PCDHA9: variants seen among roughly 807,000 people sequenced by gnomAD.
PCDHA9 encodes the protein protocadherin alpha 9.
A neutral mutation model predicts 62.0 loss-of-function variants in PCDHA9; 62 were observed. The observed-to-expected ratio is 1.00, with a 90% confidence interval of 0.81 to 1.23. PCDHA9 has a LOEUF of 1.23. Among genes scored for constraint, PCDHA9 ranks in the 50% most tolerant of loss-of-function variants. The pLI is 0.00. For missense variants in PCDHA9, 1,205 were observed against 1,249.8 expected (o/e 0.96, Z 0.54); for synonymous variants, 557 against 567.6 (o/e 0.98, Z 0.27).
intron 1 of PCDHA9, chr5:140,854,137 G>A (rs1297927276): frequency 9.5e-6 from 4 of 422,564 alleles, no homozygotes; most frequent in Non-Finnish European, 9.2e-6. Context: ...ATTTCAGCCC[G>A]GGTGACAGCA....
At chr5:140,883,467 C>T in intron 1 of PCDHA9, 1 of 1,614,170 alleles carries the variant, frequency 6.2e-7, no homozygotes, top group Non-Finnish European at 8.5e-7. Flanking sequence ...CTGGTGTCCA[C>T]CTACAAGAAC....
At position 140,850,816 on chromosome 5, in the gene PCDHA9, C is replaced by T. The variant is rs2150499386; in HGVS notation, c.2321C>T (p.Pro774Leu). 1.9e-6 allele frequency: 3 copies of T among 1,598,298 alleles called. No homozygotes were observed. The highest frequency in any genetic ancestry group is 1.7e-5 in the Admixed American group (1 of 59,272). The change falls in exon 1 of 4, where the codon CCG (proline) becomes CTG (leucine). Residue 774 changes from proline to leucine, a missense_variant. Physicochemically the swap from Pro to Leu is moderately conservative, Grantham distance 98 (BLOSUM62 -3). Around this residue, in one of 3 missense-constraint regions of PCDHA9, gnomAD observed 887 missense variants for 809.5 expected, o/e 1.10. Transcript: ENST00000532602. ...KQKTDLMAFS[P>L]GLSPCAGSTE... ...AAGACCGACCTCATGGCCTTCAGCC[C>T]GGGCCTTTCTCCTTGTGCTGGATCT...
intron 1 of PCDHA9, among the ~76,000 whole-genome samples, chr5:140,964,144 C>A (rs970079716): frequency 6.6e-6 from 1 of 152,138 alleles, no homozygotes; most frequent in African/African-American, 2.4e-5. Context: ...TTGGCAGGAG[C>A]CTCAGTATAA....
At chr5:140,854,961 T>C (rs557755220) in intron 1 of PCDHA9, among the ~76,000 whole-genome samples, 1 of 150,064 alleles carries the variant, frequency 6.7e-6, no homozygotes, top group South Asian at 2.1e-4. Flanking sequence ...TTAATTACTT[T>C]ATTCAGAATT....
chr5:140,872,703 G>C (rs1582092486), intron 1 of PCDHA9, among the ~76,000 whole-genome samples: 1 of 152,114 alleles, frequency 6.6e-6, no homozygotes, highest in Admixed American at 6.5e-5. Context: ...TGATTCCAAA[G>C]GAAACTAGGT....
chr5:141,005,932 G>A (rs1588114868), intron 3 of PCDHA9, among the ~76,000 whole-genome samples: 2 of 152,074 alleles, frequency 1.3e-5, no homozygotes, highest in East Asian at 3.9e-4. Context: ...GGTTGACAGA[G>A]TGAGAACCTA....
chr5:140,959,370 T>C (rs1212787453), intron 1 of PCDHA9, among the ~76,000 whole-genome samples: 1 of 151,796 alleles, frequency 6.6e-6, no homozygotes, highest in African/African-American at 2.4e-5. Flanking sequence ...TGAGACCCTG[T>C]CTCAAAAAAA....
chr5:140,884,837 C>A, intron 1 of PCDHA9: 4 of 902,438 alleles, frequency 4.4e-6, no homozygotes, highest in Non-Finnish European at 6.3e-6. Flanking sequence ...GATTATCCTT[C>A]AGAGTGAAAT....
rs782421721 is a variant in PCDHA9, at chr5:140,966,807, C to T, written c.2395-12142C>T. Reference sequence around the variant, plus strand: ...ACCAGACCTGCGGCGACAGAGCATCCACGGCTCCGGCGGCCCATGCCCTGG... The same window carrying T: ...ACCAGACCTGCGGCGACAGAGCATCTACGGCTCCGGCGGCCCATGCCCTGG... On this transcript the variant is annotated intron_variant, in intron 1 of 3. Transcript: ENST00000532602. 3 of 1,547,208 alleles carry T rather than the reference C, an allele frequency of 1.9e-6. No homozygotes were observed. The South Asian group carries it at 3.6e-5, about 18-fold the overall frequency.
chr5:140,904,940 A>G (rs368833420), intron 1 of PCDHA9, among the ~76,000 whole-genome samples: 1 of 152,136 alleles, frequency 6.6e-6, no homozygotes, highest in African/African-American at 2.4e-5. Context: ...TCTGGATATT[A>G]GTCCTTTGTC....
At chr5:140,903,687 T>C (rs1554191081) in intron 1 of PCDHA9, among the ~76,000 whole-genome samples, 1 of 152,228 alleles carries the variant, frequency 6.6e-6, no homozygotes, top group Non-Finnish European at 1.5e-5. Context: ...GTTTGGTAAA[T>C]AGTTTAAAAT....
At chr5:140,869,203 TC>T in intron 1 of PCDHA9, 30 of 1,614,000 alleles carry the variant, frequency 1.9e-5, no homozygotes, top group Non-Finnish European at 2.5e-5. Flanking sequence ...GCTCCACTAC[TC>T]CGTCTCGGAG....
At chr5:140,903,625 A>T (rs2153481028) in intron 1 of PCDHA9, among the ~76,000 whole-genome samples, 1 of 152,362 alleles carries the variant, frequency 6.6e-6, no homozygotes, top group East Asian at 1.9e-4. Context: ...GTGCATGCAT[A>T]TGTATGCATA....
At chr5:140,978,861 T>C (rs540878929) in intron 1 of PCDHA9, 88 bp from the exon 2 acceptor site, 1 of 1,599,110 alleles carries the variant, frequency 6.3e-7, no homozygotes, top group African/African-American at 1.3e-5. Flanking sequence ...CCTGGAAATA[T>C]TTAAGGGAGT....
intron 1 of PCDHA9, among the ~76,000 whole-genome samples, chr5:140,898,530 T>A (rs1256781089): frequency 6.6e-6 from 1 of 152,228 alleles, no homozygotes; most frequent in African/African-American, 2.4e-5. Flanking sequence ...GAGGGCTCTG[T>A]TCTGTTCCAT....
chr5:140,884,217 T>A (rs782181432), intron 1 of PCDHA9: 4 of 1,613,448 alleles, frequency 2.5e-6, no homozygotes, highest in Non-Finnish European at 3.4e-6. Flanking sequence ...CTTCTGGTGC[T>A]GGTGAAGGAC....
At chr5:140,950,791 A>T (rs2153690738) in intron 1 of PCDHA9, among the ~76,000 whole-genome samples, 1 of 152,142 alleles carries the variant, frequency 6.6e-6, no homozygotes, top group East Asian at 1.9e-4. Flanking sequence ...CTTTTTAAAT[A>T]TTGTCTGGTT....
In PCDHA9 at chr5:141,010,358, C is replaced by G; in HGVS notation, c.*421C>G. 1 of 1,488,620 alleles carries G rather than the reference C, an allele frequency of 6.7e-7. No homozygotes were observed. The highest frequency in any genetic ancestry group is 1.3e-5 in the South Asian group (1 of 76,158). 92.2% of individuals were successfully genotyped at this position (1,488,620 alleles called of 1,614,324 possible). On this transcript the variant is annotated 3_prime_UTR_variant, in exon 4 of 4. Transcript: ENST00000532602. ...GTGGCCACTGGGTATGTGTGGCTAC[C>G]GCGGGTATGCGAGTGCCAGATATTG...
chr5:140,976,303 C>A (rs1458121600), intron 1 of PCDHA9, among the ~76,000 whole-genome samples: 10 of 152,090 alleles, frequency 6.6e-5, no homozygotes, highest in Non-Finnish European at 1.3e-4. Flanking sequence ...GTAATCCCAG[C>A]ACTTTGGGAG....
Sources: gnomAD v4.1 joint callset for allele counts (sites outside exome capture counted in the v4.1 genomes callset) on GRCh38, gnomAD v4.1.1 for gene constraint, gnomAD v4.1.1 regional missense constraint, MANE v1.5 for transcripts, NCBI Gene and HGNC (gene_info 2026-07-23, HGNC 2026-07-21) for gene names.